The following CAPN9 variants were observed in gnomAD, a reference collection of about 807,000 sequenced individuals.
CAPN9 encodes the protein calpain-9.
Under a neutral mutation model 92.8 loss-of-function variants are expected in CAPN9, and 81 were observed. That is an observed-to-expected ratio of 0.87 (90% CI 0.73 to 1.05). CAPN9 has a LOEUF of 1.05. Among genes scored for constraint, CAPN9 ranks in the 50% least tolerant of loss-of-function variants. The pLI, the probability that CAPN9 is intolerant of heterozygous loss-of-function variation, is 0.00. For synonymous variants in CAPN9, 304 were observed against 328.0 expected, an observed-to-expected ratio of 0.93 and a Z score of 0.79; for missense variants, 848 against 866.2, an observed-to-expected ratio of 0.98 and a Z score of 0.26.
At chr1:230,770,945 A>G (rs1488794702) in intron 6 of CAPN9, among the ~76,000 whole-genome samples, 2 of 152,064 alleles carry the variant, frequency 1.3e-5, no homozygotes, top group South Asian at 2.1e-4. Context: ...ACTCTTTGGG[A>G]TTCTTTAGAA....
chr1:230,777,963 A>G lies in CAPN9; in HGVS notation c.954-1010A>G, dbSNP rs538154800. On this transcript the variant is annotated intron_variant, in intron 8 of 19. Coordinates refer to ENST00000271971, the MANE Select transcript of CAPN9 (RefSeq NM_006615.3). ...GTCTGGTCTCTTGACTTTAAAAACT[A>G]TCTTTACACTAATTCTCAGGTTTCT... 3.3e-5 allele frequency among the ~76,000 whole-genome samples: 5 copies of G among 152,224 alleles called. No individual in the cohort carries two copies. The South Asian group carries it at 1.0e-3, about 32-fold the overall frequency.
rs113395706 is a variant in CAPN9 at position 230,752,739 on chromosome 1, G to A, written c.214-2598G>A. 7.3e-4 allele frequency: 718 copies of A among 981,088 alleles called. 8 individuals carry two copies. The African/African-American group carries it at 0.012, about 16-fold the overall frequency. The allele number at this position is 981,088 out of a possible 1,614,324, so 60.8% of individuals were successfully genotyped here. On this transcript the variant is annotated intron_variant, in intron 1 of 19. Transcript: ENST00000271971. ...TGAGGAGTGAGTAGCATTGGCAGTG[G>A]GGGCATTGCTTGCCAGGGCTATCCC...
intron 1 of CAPN9, among the ~76,000 whole-genome samples, chr1:230,754,048 G>A (rs1665042122): frequency 6.7e-6 from 1 of 148,308 alleles, no homozygotes; most frequent in South Asian, 2.1e-4. Flanking sequence ...AACAGCTTCT[G>A]GGAGGTGGTG....
Position 230,780,571 on chromosome 1 carries a change from G to T in CAPN9, c.1344G>T (p.Thr448=). The T allele has an allele frequency of 6.2e-7, 1 of 1,614,162 alleles. No individual in the cohort carries two copies. Among genetic ancestry groups the T allele is most frequent in the Non-Finnish European group, 8.5e-7 (1 of 1,180,014 alleles). The part of the protein sequence containing the change: ...RYHASRARSK[T]FINLREVSDR... The stretch of plus-strand genomic sequence containing the variant: ...ACGCTTCTCGGGCCAGAAGCAAGAC[G>T]TTCATCAACCTGAGAGAAGTCTCCG... Residue 448 remains threonine (T), a synonymous_variant, in exon 11 of 20, where the codon ACG becomes ACT. Coordinates refer to ENST00000271971, the MANE Select transcript of CAPN9 (RefSeq NM_006615.3).
intron 19 of CAPN9, among the ~76,000 whole-genome samples, chr1:230,798,820 C>A (rs2102944662): frequency 6.6e-6 from 1 of 152,318 alleles, no homozygotes; most frequent in South Asian, 2.1e-4. Flanking sequence ...ATAGGCATCA[C>A]TTAGGAGAGA....
intron 1 of CAPN9, among the ~76,000 whole-genome samples, chr1:230,749,326 A>T (rs113251296): frequency 6.6e-6 from 1 of 152,256 alleles, no homozygotes; most frequent in African/African-American, 2.4e-5. Flanking sequence ...TCTGCTAAGT[A>T]AGAAAAAGGA....
At position 230,774,637 on chromosome 1, in the gene CAPN9, G is replaced by A. The variant is rs759996369; in HGVS notation, c.953+6G>A. The A allele has an allele frequency of 6.8e-5, 109 of 1,610,822 alleles. No individual in the cohort carries two copies. The South Asian group carries it at 9.2e-4, about 14-fold the overall frequency. ...CTGGATGATGGGGAATTCTGGTACC[G>A]TGCTTGTTCCTGTGTTAACTGCAGA... is the stretch of plus-strand genomic sequence containing the variant. On this transcript the variant is annotated splice_donor_region_variant and intron_variant, in intron 8 of 19. Coordinates refer to ENST00000271971, the MANE Select transcript of CAPN9 (RefSeq NM_006615.3).
intron 3 of CAPN9, 58 bp downstream of exon 3, chr1:230,759,688 G>T: frequency 5.4e-6 from 6 of 1,108,266 alleles, no homozygotes; most frequent in Middle Eastern, 3.0e-4. Flanking sequence ...ATGAGGGCAG[G>T]TGCATTTCCA....
rs1010794667 is a variant in CAPN9 at position 230,795,156 on chromosome 1, C to T, written c.1871-7C>T. 9.4e-6 allele frequency: 15 copies of T among 1,589,674 alleles called. No individual in the cohort carries two copies. In the Admixed American group the frequency reaches 2.0e-4, roughly 21 times the overall value. On this transcript the variant is annotated splice_polypyrimidine_tract_variant and splice_region_variant and intron_variant, in intron 17 of 19. Coordinates refer to ENST00000271971, the MANE Select transcript of CAPN9 (RefSeq NM_006615.3). ...CGAGTCCTGGGTCTCCTCCTTTGTC[C>T]CCACAGGCTTTCAGCTGAGCAGCCA...
intron 1 of CAPN9, 138 bp downstream of exon 1, chr1:230,747,847 A>C (rs1461203439): frequency 3.9e-6 from 3 of 772,298 alleles, no homozygotes; most frequent in Non-Finnish European, 6.5e-6. Flanking sequence ...TCTACCGTGG[A>C]AAGCTTTGCA....
chr1:230,760,717 T>G (rs1202039551), intron 3 of CAPN9, among the ~76,000 whole-genome samples: 1 of 151,982 alleles, frequency 6.6e-6, no homozygotes, highest in African/African-American at 2.4e-5. Context: ...TCCCTTCCCA[T>G]CCTGTGACTT....
chr1:230,757,562 C>T (rs902499544), intron 2 of CAPN9, among the ~76,000 whole-genome samples: 3 of 152,038 alleles, frequency 2.0e-5, no homozygotes, highest in Admixed American at 6.6e-5. Flanking sequence ...AATGAACAGC[C>T]GTGATCTGTT....
chr1:230,792,537 G>A (rs780152701), intron 16 of CAPN9, 43 bp downstream of exon 16: 2 of 1,480,608 alleles, frequency 1.4e-6, no homozygotes, highest in Non-Finnish European at 1.9e-6. Flanking sequence ...GGGACCCAGT[G>A]AACCTAGAGC....
Position 230,801,763 on chromosome 1 carries a change from C to T in CAPN9, c.*167C>T, listed in dbSNP as rs1296160064. 10 of 695,570 alleles carry T rather than the reference C, an allele frequency of 1.4e-5. No homozygotes were observed. The Admixed American group carries it at 2.2e-4, about 15-fold the overall frequency. The allele number at this position is 695,570 out of a possible 1,614,324, so 43.1% of individuals were successfully genotyped here. ...GGGAAGAATGAAATGAACTCAGCTACACTCTCTGATTTTGTGCTACTCCTT... is the reference window on the plus strand; with the variant it reads ...GGGAAGAATGAAATGAACTCAGCTATACTCTCTGATTTTGTGCTACTCCTT... On this transcript the variant is annotated 3_prime_UTR_variant, in exon 20 of 20. Coordinates refer to ENST00000271971, the MANE Select transcript of CAPN9 (RefSeq NM_006615.3).
chr1:230,752,903 C>T (rs1664937725), intron 1 of CAPN9, among the ~76,000 whole-genome samples: 1 of 152,122 alleles, frequency 6.6e-6, no homozygotes, highest in African/African-American at 2.4e-5. Flanking sequence ...GTTAAATGGC[C>T]CACCCTGAAC....
chr1:230,780,125 C>A, intron 9 of CAPN9, 54 bp from the exon 10 acceptor site: 2 of 1,165,806 alleles, frequency 1.7e-6, no homozygotes, highest in Non-Finnish European at 2.5e-6. Flanking sequence ...TGTGTGTGGT[C>A]TTTGTGGGTT....
At chr1:230,783,185 A>G (rs1667343300) in intron 11 of CAPN9, among the ~76,000 whole-genome samples, 1 of 152,226 alleles carries the variant, frequency 6.6e-6, no homozygotes, top group Non-Finnish European at 1.5e-5. Flanking sequence ...TGCACTGTTT[A>G]TGCGTCTTTG....
Position 230,769,616 on chromosome 1 carries a change from CCTATCTATCTATCTATCTATCTATCTAT to C in CAPN9, c.789+393_789+420del, listed in dbSNP as rs10557166. On this transcript the variant is annotated intron_variant, in intron 6 of 19. Coordinates refer to ENST00000271971, the MANE Select transcript of CAPN9 (RefSeq NM_006615.3). ...ATACATACAATTAAACACACACACA[CCTATCTATCTATCTATCTATCTATCTAT>C]CTATCTATCTATCTATCTATCTATC... Among the ~76,000 whole-genome samples the C allele has an allele frequency of 1.3e-3, 153 of 116,066 alleles. 1 individual carries two copies. The highest frequency in any genetic ancestry group is 9.0e-3 in the South Asian group (27 of 3,012). The allele number at this position is 116,066 out of a possible 152,430, so 76.1% of individuals were successfully genotyped here.
At chr1:230,781,204 C>T (rs1667200836) in intron 11 of CAPN9, among the ~76,000 whole-genome samples, 1 of 150,850 alleles carries the variant, frequency 6.6e-6, no homozygotes, top group Non-Finnish European at 1.5e-5. Context: ...CAAGGCAAGG[C>T]ACATATCCCT....
Sources: allele counts gnomAD v4.1 joint callset (sites outside exome capture counted in the v4.1 genomes callset), GRCh38; gene constraint gnomAD v4.1.1; transcripts MANE v1.5; gene names NCBI Gene and HGNC (gene_info 2026-07-23, HGNC 2026-07-21).